Variants in SUPT3H observed in about 807,000 individuals in gnomAD.
SUPT3H encodes the protein SPT3 homolog, SAGA and STAGA complex component, also known as transcription initiation protein SPT3 homolog.
In SUPT3H, 44 loss-of-function variants were observed where a neutral mutation model predicts 44.3. That is an observed-to-expected ratio of 0.99 (90% CI 0.78 to 1.28). SUPT3H has a LOEUF of 1.28. Among genes scored for constraint, SUPT3H ranks in the 50% most tolerant of loss-of-function variants. The pLI is 0.00. For missense variants in SUPT3H, 380 were observed against 387.1 expected (o/e 0.98, Z 0.15); for synonymous variants, 124 against 125.6 (o/e 0.99, Z 0.09).
intron 10 of SUPT3H, among the ~76,000 whole-genome samples, chr6:44,932,425 T>G (rs892501922): frequency 1.3e-5 from 2 of 152,146 alleles, no homozygotes; most frequent in Non-Finnish European, 2.9e-5. Flanking sequence ...ACAAAAAAAC[T>G]TAATTTGTAA....
intron 2 of SUPT3H, among the ~76,000 whole-genome samples, chr6:45,124,626 G>C (rs1583675052): frequency 8.1e-6 from 1 of 123,882 alleles, no homozygotes; most frequent in South Asian, 3.1e-4. Context: ...GGCTAACAGA[G>C]ACTCCATCTC....
intron 9 of SUPT3H, among the ~76,000 whole-genome samples, chr6:44,941,708 G>A (rs931997102): frequency 2.6e-5 from 4 of 152,128 alleles, no homozygotes; most frequent in African/African-American, 9.6e-5. Flanking sequence ...GTGAAAATAC[G>A]GGACATGTCC....
chr6:44,870,761 C>T (rs1424003836), intron 10 of SUPT3H, among the ~76,000 whole-genome samples: 6 of 150,872 alleles, frequency 4.0e-5, no homozygotes, highest in African/African-American at 1.5e-4. Flanking sequence ...TAGGGAGTGC[C>T]AGAGAGTGGG....
intron 10 of SUPT3H, among the ~76,000 whole-genome samples, chr6:44,897,614 A>G (rs1764305827): frequency 6.6e-6 from 1 of 152,172 alleles, no homozygotes; most frequent in Admixed American, 6.5e-5. Context: ...CCATGCTTCC[A>G]TTTTTAGCTC....
chr6:45,372,454 T>C (rs559210958), intron 1 of SUPT3H, among the ~76,000 whole-genome samples: 5 of 152,294 alleles, frequency 3.3e-5, no homozygotes, highest in Non-Finnish European at 5.9e-5. Context: ...TAAAGACTAA[T>C]ATGAATAAAG....
chr6:44,986,051 T>C (rs1484614346), intron 6 of SUPT3H, among the ~76,000 whole-genome samples: 1 of 152,188 alleles, frequency 6.6e-6, no homozygotes, highest in Non-Finnish European at 1.5e-5. Flanking sequence ...TCTTTTAATA[T>C]GTGATTCTGT....
At chr6:45,177,447 T>G (rs569196500) in intron 2 of SUPT3H, among the ~76,000 whole-genome samples, 16 of 152,318 alleles carry the variant, frequency 1.1e-4, no homozygotes. Flanking sequence ...GTCTGATTGG[T>G]GTACTTGAAA....
At chr6:45,101,242 A>G (rs1011704765) in intron 3 of SUPT3H, among the ~76,000 whole-genome samples, 6 of 152,238 alleles carry the variant, frequency 3.9e-5, no homozygotes, top group Non-Finnish European at 7.3e-5. Flanking sequence ...CCTGACCAAC[A>G]TGGAGAAATC....
At chr6:44,972,909 T>C (rs1468218553) in intron 6 of SUPT3H, among the ~76,000 whole-genome samples, 1 of 152,150 alleles carries the variant, frequency 6.6e-6, no homozygotes, top group African/African-American at 2.4e-5. Flanking sequence ...AACCATTTTT[T>C]CCTCCTACGC....
chr6:45,224,769 CTT>C (rs1421882872), intron 2 of SUPT3H, among the ~76,000 whole-genome samples: 80 of 148,430 alleles, frequency 5.4e-4, no homozygotes, highest in African/African-American at 1.8e-3. Flanking sequence ...AAGAGTGAGA[CTT>C]TGTCTCCAAA....
chr6:45,234,001 GT>G (rs1330776219), intron 2 of SUPT3H, among the ~76,000 whole-genome samples: 2 of 152,052 alleles, frequency 1.3e-5, no homozygotes, highest in Non-Finnish European at 2.9e-5. Context: ...AATTCTTACT[GT>G]CTAAAAAATA....
intron 2 of SUPT3H, among the ~76,000 whole-genome samples, chr6:45,208,894 T>C (rs1228916784): frequency 2.4e-4 from 9 of 36,800 alleles, no homozygotes; most frequent in African/African-American, 1.2e-3. Context: ...CTTACCCTCT[T>C]GTTAGGGGCT....
chr6:44,922,264 G>C (rs529069887), intron 10 of SUPT3H, among the ~76,000 whole-genome samples: 2 of 152,074 alleles, frequency 1.3e-5, no homozygotes, highest in Non-Finnish European at 2.9e-5. Context: ...TTTTTTTCCC[G>C]CACATTTTAA....
intron 2 of SUPT3H, among the ~76,000 whole-genome samples, chr6:45,341,812 TG>T (rs1482632493): frequency 6.6e-6 from 1 of 152,170 alleles, no homozygotes; most frequent in Non-Finnish European, 1.5e-5. Context: ...AAATTAAAAA[TG>T]ACACACTAAG....
chr6:44,840,933 A>G (rs770085231), intron 10 of SUPT3H, among the ~76,000 whole-genome samples: 2 of 152,188 alleles, frequency 1.3e-5, no homozygotes, highest in Admixed American at 6.5e-5. Context: ...ATAAGGTTGC[A>G]ATACCTTAAA....
chr6:45,112,293 CAG>C (rs1453365484), intron 2 of SUPT3H, among the ~76,000 whole-genome samples: 1 of 150,672 alleles, frequency 6.6e-6, no homozygotes, highest in African/African-American at 2.4e-5. Flanking sequence ...AAATGAGTAA[CAG>C]AACGAAATAA....
rs1431868287 is a variant in SUPT3H, at chr6:45,264,576, C to T, written c.101+100625G>A. On this transcript the variant is annotated intron_variant, in intron 2 of 10. Coordinates refer to ENST00000371459, the MANE Select transcript of SUPT3H (RefSeq NM_003599.4). Reference sequence around the variant, plus strand: ...TTAATGAACATTGGTTATAAGGTTCCTGTTGTTTAACTTAATAAACAAAGC... The same window carrying T: ...TTAATGAACATTGGTTATAAGGTTCTTGTTGTTTAACTTAATAAACAAAGC... Among the ~76,000 whole-genome samples the T allele has an allele frequency of 2.0e-5, 3 of 152,174 alleles. No individual in the cohort carries two copies. The East Asian group carries it at 5.8e-4, about 29-fold the overall frequency.
chr6:45,246,570 T>A (rs188852957), intron 2 of SUPT3H, among the ~76,000 whole-genome samples: 1 of 152,116 alleles, frequency 6.6e-6, no homozygotes, highest in African/African-American at 2.4e-5. Context: ...CCTACTAGCA[T>A]GTAAAAAATA....
chr6:45,265,943 T>C (rs1160742281), intron 2 of SUPT3H, among the ~76,000 whole-genome samples: 1 of 152,028 alleles, frequency 6.6e-6, no homozygotes, highest in Non-Finnish European at 1.5e-5. Flanking sequence ...ATTCATATCT[T>C]TTGCCCAAAT....
Sources: allele counts gnomAD v4.1 joint callset (sites outside exome capture counted in the v4.1 genomes callset), GRCh38; gene constraint gnomAD v4.1.1; transcripts MANE v1.5; gene names NCBI Gene and HGNC (gene_info 2026-07-23, HGNC 2026-07-21).